VOPP1: variants seen among roughly 807,000 people sequenced by gnomAD.
VOPP1 encodes WW domain binding protein VOPP1.
VOPP1 carries 8 observed loss-of-function variants against 23.5 expected under a neutral mutation model. That is an observed-to-expected ratio of 0.34 (90% confidence interval 0.20 to 0.61). VOPP1 has a LOEUF of 0.61. VOPP1 is among the 20% of genes least tolerant of loss of function. The pLI, the probability that VOPP1 is intolerant of heterozygous loss-of-function variation, is 0.78. For missense variants in VOPP1, 174 were observed against 238.1 expected (o/e 0.73, Z 1.77); for synonymous variants, 83 against 97.3 (o/e 0.85, Z 0.86).
intron 4 of VOPP1, among the ~76,000 whole-genome samples, chr7:55,453,672 T>C (rs912073933): frequency 2.0e-5 from 3 of 152,188 alleles, no homozygotes; most frequent in Admixed American, 1.3e-4. Context: ...TGATCACAGA[T>C]CACCATAACA....
chr7:55,566,510 C>T (rs1347431654), intron 1 of VOPP1, among the ~76,000 whole-genome samples: 2 of 151,974 alleles, frequency 1.3e-5, no homozygotes, highest in African/African-American at 2.4e-5. Context: ...TGCAGTGAGC[C>T]GAGATCATGC....
chr7:55,502,009 A>C (rs1225727588), intron 2 of VOPP1, among the ~76,000 whole-genome samples: 1 of 152,356 alleles, frequency 6.6e-6, no homozygotes, highest in South Asian at 2.1e-4. Flanking sequence ...ACTTGATATA[A>C]AAGAGGAAAG....
downstream of VOPP1, among the ~76,000 whole-genome samples, chr7:55,465,946 A>C (rs191161253): frequency 1.3e-5 from 2 of 152,284 alleles, no homozygotes; most frequent in Non-Finnish European, 2.9e-5. Flanking sequence ...CCCAAATGTC[A>C]TATGTTGAAA....
rs938207410 is a variant in VOPP1, at chr7:55,572,219, G to A, written c.54+52C>T. ...GCCTCGGAACTGCGCGCCCCCAGCC[G>A]CCAGCATGGTGGGCGCCGCGCCTCC... On this transcript the variant is annotated intron_variant, in intron 1 of 4. Coordinates refer to ENST00000285279, the MANE Select transcript of VOPP1 (RefSeq NM_030796.5). 4 of 1,463,236 alleles carry A rather than the reference G, an allele frequency of 2.7e-6. No homozygotes were observed. The African/African-American group carries it at 4.4e-5, about 16-fold the overall frequency. 90.6% of individuals were successfully genotyped at this position (1,463,236 alleles called of 1,614,324 possible). A position where few individuals can be genotyped will look rare whatever the true frequency, so the allele number is the denominator to read the frequency against.
At chr7:55,459,875 T>C (rs1791455527) in intron 4 of VOPP1, among the ~76,000 whole-genome samples, 2 of 152,226 alleles carry the variant, frequency 1.3e-5, no homozygotes, top group South Asian at 4.1e-4. Context: ...GTTTTTGTTC[T>C]GATATTTACT....
intron 1 of VOPP1, chr7:55,537,596 T>C (rs963977041): frequency 2.6e-6 from 4 of 1,535,738 alleles, no homozygotes; most frequent in Non-Finnish European, 2.6e-6. Context: ...CTGTCACTGC[T>C]GGGTCACACG....
intron 4 of VOPP1, among the ~76,000 whole-genome samples, chr7:55,481,774 G>A (rs1431957707): frequency 6.6e-6 from 1 of 152,228 alleles, no homozygotes; most frequent in Non-Finnish European, 1.5e-5. Flanking sequence ...CACGAAGGAA[G>A]TACTCTTAGG....
chr7:55,533,731 T>C (rs534281181), intron 1 of VOPP1, among the ~76,000 whole-genome samples: 1 of 152,308 alleles, frequency 6.6e-6, no homozygotes, highest in South Asian at 2.1e-4. Context: ...AGAACAGCAC[T>C]CAGGTTAATC....
intron 1 of VOPP1, among the ~76,000 whole-genome samples, chr7:55,529,322 G>A (rs1440100887): frequency 9.5e-5 from 14 of 146,778 alleles, no homozygotes; most frequent in Non-Finnish European, 2.1e-4. Context: ...CTGAGATGGC[G>A]CCACTGCACT....
chr7:55,562,575 A>G (rs1156490272), intron 1 of VOPP1, among the ~76,000 whole-genome samples: 1 of 152,206 alleles, frequency 6.6e-6, no homozygotes, highest in Admixed American at 6.5e-5. Context: ...TACAACCAAA[A>G]TCAGTGTGAA....
chr7:55,435,614 C>T (rs752983688), downstream of VOPP1, among the ~76,000 whole-genome samples: 1 of 152,212 alleles, frequency 6.6e-6, no homozygotes, highest in Non-Finnish European at 1.5e-5. Context: ...TTCTGGAAGG[C>T]TATTCCATCC....
intron 4 of VOPP1, among the ~76,000 whole-genome samples, chr7:55,487,586 T>A (rs184030101): frequency 6.6e-6 from 1 of 152,228 alleles, no homozygotes; most frequent in Non-Finnish European, 1.5e-5. Context: ...GCATTCTGAC[T>A]GGCTGGGACT....
At chr7:55,547,625 T>A (rs1024435945) in intron 1 of VOPP1, among the ~76,000 whole-genome samples, 5 of 152,228 alleles carry the variant, frequency 3.3e-5, no homozygotes, top group Non-Finnish European at 5.9e-5. Flanking sequence ...GAGTTGGGAA[T>A]GATCGTCTCC....
chr7:55,526,719 G>C (rs1796213275), intron 1 of VOPP1: 2 of 152,204 alleles, frequency 1.3e-5, no homozygotes, highest in Non-Finnish European at 2.9e-5. Flanking sequence ...TCACTGACAG[G>C]ACTTGTCTCA....
intron 1 of VOPP1, among the ~76,000 whole-genome samples, chr7:55,527,393 C>A (rs1462660629): frequency 1.3e-5 from 2 of 152,070 alleles, no homozygotes; most frequent in Admixed American, 6.6e-5. Context: ...ATAAAAGATA[C>A]CCCTGTCTTA....
chr7:55,551,047 A>T (rs149303245), intron 1 of VOPP1, among the ~76,000 whole-genome samples: 1 of 152,312 alleles, frequency 6.6e-6, no homozygotes, highest in Non-Finnish European at 1.5e-5. Flanking sequence ...ACATGACAGC[A>T]TGAAGACACT....
intron 2 of VOPP1, among the ~76,000 whole-genome samples, chr7:55,516,474 A>G (rs1656190642): frequency 6.6e-6 from 1 of 152,224 alleles, no homozygotes; most frequent in Non-Finnish European, 1.5e-5. Context: ...TTGTATGTCT[A>G]GGTAGCTACA....
At chr7:55,517,850 A>T (rs1156836243) in intron 2 of VOPP1, among the ~76,000 whole-genome samples, 4 of 152,128 alleles carry the variant, frequency 2.6e-5, no homozygotes, top group Non-Finnish European at 5.9e-5. Context: ...TGGACAGTGG[A>T]GAAGACAGCT....
chr7:55,442,314 G>C (rs769661582), intron 4 of VOPP1, among the ~76,000 whole-genome samples: 1 of 152,160 alleles, frequency 6.6e-6, no homozygotes. Flanking sequence ...TACATTCTCC[G>C]AAGGGTGGAG....
Sources: gnomAD v4.1 joint callset for allele counts (sites outside exome capture counted in the v4.1 genomes callset) on GRCh38, gnomAD v4.1.1 for gene constraint, MANE v1.5 for transcripts, NCBI Gene and HGNC (gene_info 2026-07-23, HGNC 2026-07-21) for gene names.